Variants in WWOX observed in about 807,000 individuals in gnomAD.
The protein encoded by WWOX is WW domain-containing oxidoreductase.
WWOX carries 69 observed loss-of-function variants against 46.2 expected under a neutral mutation model. The ratio of observed to expected loss-of-function variants is 1.49; its 90% confidence interval spans 1.23 to 1.82. WWOX has a LOEUF of 1.82. Ranked by LOEUF, WWOX falls within the 40% of genes most tolerant of loss-of-function variation. WWOX has a pLI of 0.00. For missense variants in WWOX, 919 were observed against 542.6 expected, an observed-to-expected ratio of 1.69 and a Z score of -6.89; for synonymous variants, 359 against 202.6, an observed-to-expected ratio of 1.77 and a Z score of -6.56.
rs1006830134 is a variant in WWOX at position 78,346,694 on chromosome 16, T to C, written c.517-40166T>C. Among the ~76,000 whole-genome samples, 6 of 119,566 alleles carry C rather than the reference T, an allele frequency of 5.0e-5. 2 individuals are homozygous for C. The highest frequency in any genetic ancestry group is 1.6e-4 in the Admixed American group (2 of 12,234). The allele number at this position is 119,566 out of a possible 152,430, so 78.4% of individuals were successfully genotyped here. Reference sequence around the variant, plus strand: ...ATGAAAACTATGCTTATTGCTCATATCTATGTTATTTTATTATTTACTTTT... The same window carrying C: ...ATGAAAACTATGCTTATTGCTCATACCTATGTTATTTTATTATTTACTTTT... On this transcript the variant is annotated intron_variant, in intron 5 of 8. Coordinates refer to ENST00000566780, the MANE Select transcript of WWOX (RefSeq NM_016373.4).
chr16:78,195,966 C>G (rs920545483), intron 5 of WWOX, among the ~76,000 whole-genome samples: 1 of 151,858 alleles, frequency 6.6e-6, no homozygotes, highest in Non-Finnish European at 1.5e-5. Flanking sequence ...AAGATGTAAG[C>G]TAAGAAAAGA....
intron 4 of WWOX, among the ~76,000 whole-genome samples, chr16:78,146,949 A>G (rs959174848): frequency 2.0e-5 from 3 of 152,176 alleles, no homozygotes; most frequent in Admixed American, 1.3e-4. Flanking sequence ...ACTGCAAGAA[A>G]ACTCACAGAA....
chr16:78,663,499 T>C (rs898326686), intron 8 of WWOX, among the ~76,000 whole-genome samples: 2 of 152,218 alleles, frequency 1.3e-5, no homozygotes, highest in East Asian at 1.9e-4. Context: ...CTGGCTCTTA[T>C]GGGTAACACT....
intron 8 of WWOX, among the ~76,000 whole-genome samples, chr16:78,958,656 C>G (rs901718992): frequency 1.3e-5 from 2 of 152,148 alleles, no homozygotes; most frequent in South Asian, 4.1e-4. Context: ...ACAAAGGTTT[C>G]TCTGGTTTTC....
chr16:78,195,017 C>T (rs1398959158), intron 5 of WWOX, among the ~76,000 whole-genome samples: 1 of 152,208 alleles, frequency 6.6e-6, no homozygotes, highest in Non-Finnish European at 1.5e-5. Context: ...GCCTTGCTGA[C>T]ATCTGAGTTT....
At chr16:78,473,232 C>A (rs568018149) in intron 8 of WWOX, among the ~76,000 whole-genome samples, 2 of 152,136 alleles carry the variant, frequency 1.3e-5, no homozygotes, top group African/African-American at 4.8e-5. Context: ...CACGTTCAAG[C>A]GATTGTCCTG....
At chr16:79,073,118 T>C (rs898439026) in intron 8 of WWOX, among the ~76,000 whole-genome samples, 1 of 150,966 alleles carries the variant, frequency 6.6e-6, no homozygotes. Context: ...AAAAGAGCTT[T>C]CTATCGCTTT....
chr16:78,318,942 G>T (rs989803350), intron 5 of WWOX, among the ~76,000 whole-genome samples: 3 of 152,138 alleles, frequency 2.0e-5, no homozygotes, highest in African/African-American at 7.2e-5. Flanking sequence ...CTAATCCGCG[G>T]AAACTATGGA....
chr16:78,183,899 G>T (rs1244689170), intron 5 of WWOX, among the ~76,000 whole-genome samples: 1 of 152,184 alleles, frequency 6.6e-6, no homozygotes, highest in African/African-American at 2.4e-5. Context: ...AGAAACCTCT[G>T]GTCCGTGAGC....
chr16:78,619,213 A>T (rs868091778), intron 8 of WWOX, among the ~76,000 whole-genome samples: 27 of 74,992 alleles, frequency 3.6e-4, no homozygotes, highest in South Asian at 6.5e-4. Context: ...ATATATATAT[A>T]TGTAGCCATG....
chr16:78,546,265 C>T (rs1044112655), intron 8 of WWOX, among the ~76,000 whole-genome samples: 1 of 152,138 alleles, frequency 6.6e-6, no homozygotes, highest in African/African-American at 2.4e-5. Flanking sequence ...GAGGTTGGAA[C>T]TGAAGCATGA....
intron 8 of WWOX, among the ~76,000 whole-genome samples, chr16:78,999,921 A>G (rs1293503508): frequency 6.6e-6 from 1 of 152,246 alleles, no homozygotes; most frequent in Admixed American, 6.5e-5. Flanking sequence ...ATTCTACGTC[A>G]TGAGAAAGCA....
At chr16:78,980,214 A>G (rs1567456539) in intron 8 of WWOX, among the ~76,000 whole-genome samples, 3 of 152,190 alleles carry the variant, frequency 2.0e-5, no homozygotes, top group Non-Finnish European at 4.4e-5. Context: ...CTTCACCTTT[A>G]TAAGCATCTA....
chr16:78,749,907 A>G (rs553245325), intron 8 of WWOX, among the ~76,000 whole-genome samples: 20 of 152,278 alleles, frequency 1.3e-4, no homozygotes, highest in African/African-American at 3.6e-4. Context: ...AGGGTCCTCA[A>G]AATAGAAGGT....
Position 78,725,304 on chromosome 16 carries a change from G to A in WWOX, c.1056+292552G>A, listed in dbSNP as rs544011219. Among the ~76,000 whole-genome samples, 74 of 149,440 alleles carry A rather than the reference G, an allele frequency of 5.0e-4. 1 individual carries two copies. The South Asian group carries it at 0.016, about 32-fold the overall frequency. On this transcript the variant is annotated intron_variant, in intron 8 of 8. Coordinates refer to ENST00000566780, the MANE Select transcript of WWOX (RefSeq NM_016373.4). ...TTTCTTTATAAATTACCCAGTCTCAGGTATGTCTTTTTTTTTCCTTTTTTC... is the reference window on the plus strand; with the variant it reads ...TTTCTTTATAAATTACCCAGTCTCAAGTATGTCTTTTTTTTTCCTTTTTTC...
At chr16:79,119,306 C>G (rs759184590) in intron 8 of WWOX, among the ~76,000 whole-genome samples, 2 of 152,060 alleles carry the variant, frequency 1.3e-5, no homozygotes, top group Non-Finnish European at 2.9e-5. Flanking sequence ...AATTTATGGG[C>G]TACATTAACC....
chr16:78,534,750 T>C (rs954690179), intron 8 of WWOX, among the ~76,000 whole-genome samples: 2 of 152,066 alleles, frequency 1.3e-5, no homozygotes, highest in African/African-American at 4.8e-5. Context: ...AGTCTCTGTC[T>C]CCAGGCTGGA....
chr16:78,649,005 G>A (rs1049905771), intron 8 of WWOX, among the ~76,000 whole-genome samples: 3 of 151,796 alleles, frequency 2.0e-5, no homozygotes, highest in Non-Finnish European at 4.4e-5. Context: ...AGGGAGTCTC[G>A]CTCTGTCACC....
rs536475603 is a variant in WWOX, at chr16:79,158,570, C to A, written c.1057-53038C>A. ...TCCACATATGCTGGATCACTTCACG[C>A]CTCCCTGTTCTTTCAATTCCTTGAA... On this transcript the variant is annotated intron_variant, in intron 8 of 8. Coordinates refer to ENST00000566780, the MANE Select transcript of WWOX (RefSeq NM_016373.4). Among the ~76,000 whole-genome samples the A allele has an allele frequency of 4.6e-5, 7 of 152,332 alleles. No homozygotes were observed. The South Asian group carries it at 1.2e-3, about 27-fold the overall frequency.
Sources: allele counts gnomAD v4.1 joint callset (sites outside exome capture counted in the v4.1 genomes callset), GRCh38; gene constraint gnomAD v4.1.1; transcripts MANE v1.5; gene names NCBI Gene and HGNC (gene_info 2026-07-23, HGNC 2026-07-21).